C12orf42: variants seen among roughly 807,000 people sequenced by gnomAD.
The protein encoded by C12orf42 is chromosome 12 open reading frame 42.
A neutral mutation model predicts 21.6 loss-of-function variants in C12orf42; 25 were observed. The ratio of observed to expected loss-of-function variants is 1.16; its 90% CI spans 0.84 to 1.62. The LOEUF is 1.62. Among genes scored for constraint, C12orf42 ranks in the 40% most tolerant of loss-of-function variants. The pLI, the probability that C12orf42 is intolerant of heterozygous loss-of-function variation, is 0.00. For synonymous variants in C12orf42, 174 were observed against 175.0 expected, an observed-to-expected ratio of 0.99 and a Z score of 0.05; for missense variants, 483 against 459.3, an observed-to-expected ratio of 1.05 and a Z score of -0.47.
At chr12:103,288,856 A>C (rs1256995207) in intron 4 of C12orf42, among the ~76,000 whole-genome samples, 1 of 152,168 alleles carries the variant, frequency 6.6e-6, no homozygotes, top group East Asian at 1.9e-4. Flanking sequence ...TCTTTGCCAG[A>C]TTCTAGAAAT....
intron 1 of C12orf42, among the ~76,000 whole-genome samples, chr12:103,482,792 A>G (rs1297981601): frequency 6.6e-6 from 1 of 150,414 alleles, no homozygotes; most frequent in African/African-American, 2.4e-5. Flanking sequence ...CTTTTTGTTT[A>G]TTTTTTCTTT....
In C12orf42 at chr12:103,350,518, A is replaced by T. The variant is rs182534710; in HGVS notation, c.259+18369T>A. Among the ~76,000 whole-genome samples the T allele has an allele frequency of 3.3e-3, 503 of 152,316 alleles. 3 individuals carry two copies. Among genetic ancestry groups the T allele is most frequent in the African/African-American group, 0.011 (477 of 41,572 alleles). On this transcript the variant is annotated intron_variant, in intron 4 of 5. Transcript: ENST00000548883. ...ATTGTTCTATTTTATTATTAGTTATAGTTAATCTCTTACTGTGCCTAATTT... is the reference window on the plus strand; with the variant it reads ...ATTGTTCTATTTTATTATTAGTTATTGTTAATCTCTTACTGTGCCTAATTT...
At chr12:103,160,519 A>G in the C12orf42 span, among the ~76,000 whole-genome samples, 1 of 152,216 alleles carries the variant, frequency 6.6e-6, no homozygotes, top group Admixed American at 6.5e-5. Flanking sequence ...AAGGATAAGC[A>G]GGAGTGGGAC....
chr12:103,529,783 C>A, the C12orf42 span, among the ~76,000 whole-genome samples: 1 of 152,166 alleles, frequency 6.6e-6, no homozygotes, highest in Non-Finnish European at 1.5e-5. Context: ...AATGGTGAGA[C>A]AAAATCAACC....
the C12orf42 span, among the ~76,000 whole-genome samples, chr12:103,143,496 C>T: frequency 8.5e-5 from 13 of 152,330 alleles, no homozygotes; most frequent in East Asian, 9.6e-4. Flanking sequence ...ACTGTAGAAA[C>T]TCACAAAACC....
intron 4 of C12orf42, among the ~76,000 whole-genome samples, chr12:103,286,565 A>C (rs1946894346): frequency 1.3e-5 from 2 of 151,330 alleles, no homozygotes; most frequent in African/African-American, 4.8e-5. Context: ...AATAATCAGT[A>C]TACTTTAGCC....
chr12:103,540,171 C>A, the C12orf42 span, among the ~76,000 whole-genome samples: 2 of 150,784 alleles, frequency 1.3e-5, no homozygotes, highest in African/African-American at 4.9e-5. Flanking sequence ...CCATGCTCAG[C>A]TAATTTTTGT....
At chr12:103,318,476 T>C (rs2039756315) in intron 4 of C12orf42, among the ~76,000 whole-genome samples, 1 of 152,228 alleles carries the variant, frequency 6.6e-6, no homozygotes, top group Admixed American at 6.5e-5. Flanking sequence ...TGAATACAGT[T>C]TTCTGTTGTT....
At chr12:103,058,191 G>A in the C12orf42 span, among the ~76,000 whole-genome samples, 22 of 152,094 alleles carry the variant, frequency 1.4e-4, no homozygotes, top group African/African-American at 5.1e-4. Flanking sequence ...TCTTGACCTC[G>A]TGATCCACCC....
the C12orf42 span, among the ~76,000 whole-genome samples, chr12:103,501,999 T>G: frequency 6.6e-6 from 1 of 152,220 alleles, no homozygotes; most frequent in African/African-American, 2.4e-5. Context: ...TACCTATGCC[T>G]AGATCATGGT....
chr12:103,122,930 G>C, the C12orf42 span, among the ~76,000 whole-genome samples: 1 of 152,162 alleles, frequency 6.6e-6, no homozygotes, highest in East Asian at 1.9e-4. Context: ...AAGGGTAAAA[G>C]GCAGGGATAC....
At chr12:103,079,256 C>G in the C12orf42 span, among the ~76,000 whole-genome samples, 2 of 152,102 alleles carry the variant, frequency 1.3e-5, no homozygotes, top group Non-Finnish European at 2.9e-5. Context: ...TCCCAAGGCA[C>G]TCATACTTGG....
the C12orf42 span, among the ~76,000 whole-genome samples, chr12:103,209,929 CATAGTTTAATAAG>C: frequency 6.6e-6 from 1 of 152,150 alleles, no homozygotes; most frequent in Non-Finnish European, 1.5e-5. Context: ...ACCACACACA[CATAGTTTAATAAG>C]ATAAATGGAA....
rs115298629 is a variant in C12orf42, at chr12:103,374,262, G to A, written c.148-5264C>T. ...GTATTTGGGGATTTACTCTTCCCCAGTTCTTGATCCATATAGTTTGGACAA... is the reference window on the plus strand; with the variant it reads ...GTATTTGGGGATTTACTCTTCCCCAATTCTTGATCCATATAGTTTGGACAA... On this transcript the variant is annotated intron_variant, in intron 3 of 5. Coordinates refer to ENST00000548883, the MANE Select transcript of C12orf42 (RefSeq NM_198521.5). 3.3e-3 allele frequency among the ~76,000 whole-genome samples: 498 copies of A among 152,170 alleles called. 3 individuals are homozygous for A. Among genetic ancestry groups the A allele is most frequent in the African/African-American group, 0.011 (472 of 41,514 alleles).
chr12:103,242,502 CT>C (rs994550263), intron 10 of C12orf42, among the ~76,000 whole-genome samples: 10 of 152,010 alleles, frequency 6.6e-5, no homozygotes, highest in African/African-American at 2.4e-4. Context: ...TTCACCCTGT[CT>C]TTTTAAAAAG....
chr12:103,539,293 ATG>A, the C12orf42 span, among the ~76,000 whole-genome samples: 11 of 151,618 alleles, frequency 7.3e-5, 1 homozygote, highest in Admixed American at 2.6e-4. Context: ...GCATGTGTGT[ATG>A]TGTGTGTGTG....
intron 2 of C12orf42, among the ~76,000 whole-genome samples, chr12:103,445,453 G>A (rs1442397415): frequency 6.6e-6 from 1 of 151,902 alleles, no homozygotes; most frequent in Non-Finnish European, 1.5e-5. Context: ...GGGTTTTTGG[G>A]GGGTTTTTGG....
the C12orf42 span, among the ~76,000 whole-genome samples, chr12:103,185,186 A>T: frequency 6.6e-6 from 1 of 152,248 alleles, no homozygotes; most frequent in Admixed American, 6.5e-5. Flanking sequence ...GACATTTAGG[A>T]TTTACTCTTG....
chr12:103,233,118 A>G (rs1378677395), downstream of C12orf42, among the ~76,000 whole-genome samples: 1 of 152,212 alleles, frequency 6.6e-6, no homozygotes, highest in Non-Finnish European at 1.5e-5. Flanking sequence ...CCTCTTCATC[A>G]AAGATCGATT....
Sources: gnomAD v4.1 joint callset for allele counts (sites outside exome capture counted in the v4.1 genomes callset) on GRCh38, gnomAD v4.1.1 for gene constraint, MANE v1.5 for transcripts, NCBI Gene and HGNC (gene_info 2026-07-23, HGNC 2026-07-21) for gene names.